The following MACROD2 variants were observed in gnomAD, a reference collection of about 807,000 sequenced individuals.
The protein encoded by MACROD2 is ADP-ribose glycohydrolase MACROD2.
A neutral mutation model predicts 70.4 loss-of-function variants in MACROD2; 36 were observed. The observed-to-expected ratio is 0.51, with a 90% CI of 0.39 to 0.68. The LOEUF (loss-of-function observed/expected upper bound fraction) is 0.68. Among genes scored for constraint, MACROD2 ranks in the 30% least tolerant of loss-of-function variants. MACROD2 has a pLI of 0.00. For synonymous variants in MACROD2, 172 were observed against 178.8 expected, an observed-to-expected ratio of 0.96 and a Z score of 0.30; for missense variants, 496 against 538.4, an observed-to-expected ratio of 0.92 and a Z score of 0.78.
intron 3 of MACROD2, among the ~76,000 whole-genome samples, chr20:14,217,447 A>G (rs1036587796): frequency 1.3e-5 from 2 of 152,070 alleles, no homozygotes; most frequent in African/African-American, 4.8e-5. Context: ...AAGTTCATCA[A>G]GGATATTGGT....
intron 8 of MACROD2, among the ~76,000 whole-genome samples, chr20:15,587,771 A>G (rs2048622567): frequency 6.6e-6 from 1 of 152,170 alleles, no homozygotes; most frequent in African/African-American, 2.4e-5. Flanking sequence ...CTGATGCAAG[A>G]GGTGGGTTCC....
Position 15,437,037 on chromosome 20 carries a change from A to G in MACROD2, c.571+5602A>G, listed in dbSNP as rs115701381. On this transcript the variant is annotated intron_variant, in intron 7 of 17. Transcript: ENST00000684519. ...CTAGCCTGAACAATGGGCACTTTCT[A>G]TATCTCCATAAACTAGTGCTTTCAA... 7.4e-3 allele frequency among the ~76,000 whole-genome samples: 1,124 copies of G among 152,238 alleles called. 17 individuals carry two copies. Among genetic ancestry groups the G allele is most frequent in the African/African-American group, 0.024 (1,006 of 41,544 alleles).
chr20:15,649,218 CTTTCTTTCTTTCT>C, intron 8 of MACROD2, among the ~76,000 whole-genome samples: 1 of 15,100 alleles, frequency 6.6e-5, no homozygotes, highest in South Asian at 3.4e-3. Flanking sequence ...TTCTTTCTTT[CTTTCTTTCTTTCT>C]TTCTTTCTTT....
chr20:14,802,972 C>T lies in MACROD2; in HGVS notation c.418+118013C>T, dbSNP rs372484806. The stretch of plus-strand genomic sequence containing the variant: ...TAGTCATCTTTCACCCGTTGCTTAA[C>T]GTCAATGGCTCTTTCATTCTTAGAC... On this transcript the variant is annotated intron_variant, in intron 5 of 17. Coordinates refer to ENST00000684519, the MANE Select transcript of MACROD2 (RefSeq NM_001351661.2). Among the ~76,000 whole-genome samples the T allele has an allele frequency of 1.0e-3, 157 of 152,110 alleles. 1 individual carries two copies. The highest frequency in any genetic ancestry group is 3.4e-3 in the African/African-American group (142 of 41,478).
At chr20:15,014,410 T>C (rs2075105678) in intron 5 of MACROD2, among the ~76,000 whole-genome samples, 1 of 152,192 alleles carries the variant, frequency 6.6e-6, no homozygotes, top group Non-Finnish European at 1.5e-5. Flanking sequence ...TATTTTTTTA[T>C]AGTCTAAAAT....
Position 14,266,192 on chromosome 20 carries a change from CCTAA to C in MACROD2, c.271+180467_271+180470del, listed in dbSNP as rs1170409205. Among the ~76,000 whole-genome samples, 4 of 152,142 alleles carry C rather than the reference CCTAA, an allele frequency of 2.6e-5. No homozygotes were observed. In the East Asian group the frequency reaches 7.7e-4, roughly 29 times the overall value. On this transcript the variant is annotated intron_variant, in intron 3 of 17. Coordinates refer to ENST00000684519, the MANE Select transcript of MACROD2 (RefSeq NM_001351661.2). ...TAGAATATAATACACATTCTCTAGG[CCTAA>C]CTCTTTTGTTAAGTATCACATGGCT...
At chr20:15,303,877 A>G (rs1457272252) in intron 6 of MACROD2, among the ~76,000 whole-genome samples, 1 of 152,102 alleles carries the variant, frequency 6.6e-6, no homozygotes. Flanking sequence ...ATCTGTTGGA[A>G]TTTTATTTAT....
chr20:15,756,844 A>G (rs2051355925), intron 8 of MACROD2, among the ~76,000 whole-genome samples: 2 of 152,224 alleles, frequency 1.3e-5, no homozygotes, highest in African/African-American at 4.8e-5. Flanking sequence ...AAGTTTGGAT[A>G]ATTTTAGATG....
chr20:15,663,956 G>T (rs180734023), intron 8 of MACROD2, among the ~76,000 whole-genome samples: 33 of 152,284 alleles, frequency 2.2e-4, no homozygotes, highest in African/African-American at 6.7e-4. Flanking sequence ...CTCCACAGGT[G>T]TCCTTGTCTC....
At chr20:15,555,074 C>A (rs1352888888) in intron 8 of MACROD2, among the ~76,000 whole-genome samples, 1 of 152,106 alleles carries the variant, frequency 6.6e-6, no homozygotes, top group Non-Finnish European at 1.5e-5. Context: ...TCTCTAAAGA[C>A]AGAGTGTAAA....
chr20:14,439,857 A>C (rs951782651), intron 3 of MACROD2, among the ~76,000 whole-genome samples: 2 of 152,176 alleles, frequency 1.3e-5, no homozygotes, highest in African/African-American at 4.8e-5. Context: ...GGTTGTGAGT[A>C]CACATAGATA....
At chr20:14,745,106 C>A (rs2071783101) in intron 5 of MACROD2, among the ~76,000 whole-genome samples, 1 of 152,090 alleles carries the variant, frequency 6.6e-6, no homozygotes, top group African/African-American at 2.4e-5. Context: ...TTTGGTTTTT[C>A]AGGGAGGTGG....
intron 5 of MACROD2, among the ~76,000 whole-genome samples, chr20:15,095,064 CT>C (rs373794823): frequency 4.1e-4 from 37 of 89,262 alleles, no homozygotes; most frequent in South Asian, 2.3e-3. Flanking sequence ...GTCTCCTCTT[CT>C]TTTTTTTTTT....
At position 14,024,333 on chromosome 20, in the gene MACROD2, A is replaced by G. The variant is rs568134842; in HGVS notation, c.163+21929A>G. The stretch of plus-strand genomic sequence containing the variant: ...CTAAATGTACAATCATGTCATCTGC[A>G]AACAGAGACAATTTGACTTCCTCTC... On this transcript the variant is annotated intron_variant, in intron 2 of 17. Coordinates refer to ENST00000684519, the MANE Select transcript of MACROD2 (RefSeq NM_001351661.2). Among the ~76,000 whole-genome samples the G allele has an allele frequency of 3.9e-5, 6 of 152,354 alleles. No homozygotes were observed. The East Asian group carries it at 1.2e-3, about 29-fold the overall frequency.
At chr20:15,608,377 G>T (rs2048922063) in intron 8 of MACROD2, among the ~76,000 whole-genome samples, 1 of 152,196 alleles carries the variant, frequency 6.6e-6, no homozygotes, top group South Asian at 2.1e-4. Context: ...TAAATGCCTT[G>T]ATCTCTTATG....
intron 4 of MACROD2, among the ~76,000 whole-genome samples, chr20:14,649,729 A>G (rs1985579206): frequency 6.6e-6 from 1 of 152,178 alleles, no homozygotes; most frequent in South Asian, 2.1e-4. Context: ...CTGTAAGTGC[A>G]TAGATCCCTA....
intron 5 of MACROD2, among the ~76,000 whole-genome samples, chr20:15,020,400 A>G (rs905813567): frequency 6.6e-5 from 10 of 152,188 alleles, no homozygotes; most frequent in African/African-American, 2.4e-4. Flanking sequence ...ATGAGTTTTG[A>G]AAATTACTCT....
At chr20:14,753,766 T>C (rs1418191315) in intron 5 of MACROD2, among the ~76,000 whole-genome samples, 1 of 152,098 alleles carries the variant, frequency 6.6e-6, no homozygotes, top group African/African-American at 2.4e-5. Context: ...ATGGGTAATA[T>C]CAGACCATAA....
chr20:14,274,270 A>T (rs2082228322), intron 3 of MACROD2, among the ~76,000 whole-genome samples: 1 of 152,210 alleles, frequency 6.6e-6, no homozygotes, highest in Admixed American at 6.5e-5. Context: ...CACCGAATCC[A>T]GCAGCACATC....
Sources: allele counts gnomAD v4.1 joint callset (sites outside exome capture counted in the v4.1 genomes callset), GRCh38; gene constraint gnomAD v4.1.1; transcripts MANE v1.5; gene names NCBI Gene and HGNC (gene_info 2026-07-23, HGNC 2026-07-21).